The following CFAP47 variants were observed in gnomAD, a reference collection of about 807,000 sequenced individuals.
The protein encoded by CFAP47 is cilia and flagella associated protein 47, also known as cilia- and flagella-associated protein 47.
CFAP47 carries 29 observed loss-of-function variants against 148.1 expected under a neutral mutation model. That is an observed-to-expected ratio of 0.20 (90% CI 0.15 to 0.27). The LOEUF is 0.27. Ranked by LOEUF, CFAP47 falls within the 10% of genes least tolerant of loss-of-function variation. The pLI, the probability that CFAP47 is intolerant of heterozygous loss-of-function variation, is 1.00. For synonymous variants in CFAP47, 664 were observed against 577.3 expected, an observed-to-expected ratio of 1.15 and a Z score of -2.15; for missense variants, 1,872 against 1,697.5, an observed-to-expected ratio of 1.10 and a Z score of -1.81.
At chrX:36,384,584 C>T (rs1411813160) in intron 63 of CFAP47, among the ~76,000 whole-genome samples, 1 of 111,754 alleles carries the variant, frequency 8.9e-6, no homozygotes, top group Non-Finnish European at 1.9e-5. Context: ...CAGGGAGAAT[C>T]TCTGAGAGAT....
chrX:35,940,696 C>G (rs1017839882), intron 2 of CFAP47, among the ~76,000 whole-genome samples: 2 of 111,088 alleles, frequency 1.8e-5, no homozygotes, highest in Non-Finnish European at 3.8e-5. Context: ...TGTGGAGATT[C>G]CTAAGAAATT....
intron 37 of CFAP47, among the ~76,000 whole-genome samples, chrX:36,157,701 A>C (rs191802742): frequency 9.1e-6 from 1 of 110,053 alleles, no homozygotes; most frequent in Admixed American, 9.7e-5. Context: ...TTTTCTAATT[A>C]CTGTATCTCA....
intron 57 of CFAP47, among the ~76,000 whole-genome samples, chrX:36,325,273 C>T (rs1295971345): frequency 1.8e-5 from 2 of 111,368 alleles, no homozygotes; most frequent in African/African-American, 6.5e-5. Flanking sequence ...CCTTACAACA[C>T]TATAAGATAA....
At chrX:36,335,490 T>C (rs1245790901) in intron 57 of CFAP47, among the ~76,000 whole-genome samples, 3 of 111,793 alleles carry the variant, frequency 2.7e-5, no homozygotes, top group Non-Finnish European at 5.6e-5. Context: ...AATCACCTTA[T>C]AAATAATGTT....
intron 33 of CFAP47, among the ~76,000 whole-genome samples, chrX:36,114,958 G>C (rs1938615519): frequency 8.9e-6 from 1 of 112,105 alleles, no homozygotes; most frequent in South Asian, 3.7e-4. Flanking sequence ...TGGCTTTGGA[G>C]TGCAAGGAGG....
intron 60 of CFAP47, among the ~76,000 whole-genome samples, chrX:36,354,543 A>G (rs1453825790): frequency 9.1e-6 from 1 of 110,384 alleles, no homozygotes; most frequent in Non-Finnish European, 1.9e-5. Context: ...AATTTAAAAT[A>G]GGTTATCTAA....
In CFAP47 at chrX:35,939,523, A is replaced by C. The variant is rs367565010; in HGVS notation, c.402-1760A>C. 7.1e-3 allele frequency among the ~76,000 whole-genome samples: 662 copies of C among 93,121 alleles called. 3 individuals carry two copies. The highest frequency in any genetic ancestry group is 0.015 in the African/African-American group (369 of 25,383). 80.9% of individuals were successfully genotyped at this position (93,121 alleles called of 115,157 possible). A position where few individuals can be genotyped will look rare whatever the true frequency, so the allele number is the denominator to read the frequency against. ...TGTGTTCTCATTGTTCAATTCCCACATATGAGTGAGAATATGCGGTGTTTG... is the reference window on the plus strand; with the variant it reads ...TGTGTTCTCATTGTTCAATTCCCACCTATGAGTGAGAATATGCGGTGTTTG... On this transcript the variant is annotated intron_variant, in intron 2 of 63. Transcript: ENST00000378653.
intron 49 of CFAP47, among the ~76,000 whole-genome samples, chrX:36,262,719 G>T (rs1179784191): frequency 8.9e-6 from 1 of 111,846 alleles, no homozygotes. Context: ...TCCTTTCTTT[G>T]GGATATATAC....
chrX:36,098,526 C>T (rs1345092145), intron 30 of CFAP47, among the ~76,000 whole-genome samples: 1 of 111,257 alleles, frequency 9.0e-6, no homozygotes, highest in Admixed American at 9.6e-5. Context: ...ACTAGAATTC[C>T]ACCTGGTGTT....
chrX:36,380,307 CAG>C (rs199712835), intron 63 of CFAP47, among the ~76,000 whole-genome samples: 6,487 of 112,659 alleles, frequency 0.058, 213 homozygotes, highest in African/African-American at 0.12. Flanking sequence ...TTTTATTTAA[CAG>C]AGACAAAATA....
At chrX:36,370,260 C>T (rs1363628925) in intron 62 of CFAP47, among the ~76,000 whole-genome samples, 1 of 96,062 alleles carries the variant, frequency 1.0e-5, no homozygotes, top group Admixed American at 1.2e-4. Flanking sequence ...AGCCCCCCAC[C>T]CCCCAGCAGG....
chrX:36,319,751 G>A (rs1751093067), intron 57 of CFAP47, among the ~76,000 whole-genome samples: 1 of 111,109 alleles, frequency 9.0e-6, no homozygotes, highest in South Asian at 3.8e-4. Flanking sequence ...GTTTTACTGC[G>A]AATTTATTAC....
intron 31 of CFAP47, among the ~76,000 whole-genome samples, 170 bp downstream of exon 31, chrX:36,099,044 C>A (rs1157551101): frequency 9.0e-6 from 1 of 111,486 alleles, no homozygotes; most frequent in Non-Finnish European, 1.9e-5. Flanking sequence ...GTCTAAAAAT[C>A]TCTATGGAGT....
intron 45 of CFAP47, among the ~76,000 whole-genome samples, chrX:36,215,874 C>T (rs1051311729): frequency 9.0e-6 from 1 of 111,704 alleles, no homozygotes; most frequent in Non-Finnish European, 1.9e-5. Flanking sequence ...AGATGGCCCT[C>T]TCCGGGGGAG....
chrX:36,359,927 G>A (rs1941815120), intron 60 of CFAP47, among the ~76,000 whole-genome samples: 1 of 110,059 alleles, frequency 9.1e-6, no homozygotes, highest in South Asian at 3.9e-4. Context: ...ATTTTTTTTT[G>A]TATTTTGAGT....
Position 36,366,965 on chromosome X carries a change from G to T in CFAP47, c.9024-1G>T. On this transcript the variant is annotated splice_acceptor_variant, in intron 61 of 63. Coordinates refer to ENST00000378653, the MANE Select transcript of CFAP47 (RefSeq NM_001304548.2). LOFTEE classifies it high-confidence loss of function. ...ATTTAAAATCTCCTTTTATATTCAAGGTCTCACATAACACTGAAAATAGAG... is the reference window on the plus strand; with the variant it reads ...ATTTAAAATCTCCTTTTATATTCAATGTCTCACATAACACTGAAAATAGAG... 2 of 1,107,090 alleles carry T rather than the reference G, an allele frequency of 1.8e-6. No homozygotes were observed. The highest frequency in any genetic ancestry group is 2.3e-5 in the South Asian group (1 of 42,701). 91.2% of individuals were successfully genotyped at this position (1,107,090 alleles called of 1,213,427 possible). A position where few individuals can be genotyped will look rare whatever the true frequency, so the allele number is the denominator to read the frequency against.
In CFAP47 at chrX:35,989,460, TC is replaced by T. The variant is rs775381681; in HGVS notation, c.2844+13del. 1,126 of 1,209,589 alleles carry T rather than the reference TC, an allele frequency of 9.3e-4. 1 individual carries two copies. Among genetic ancestry groups the T allele is most frequent in the Non-Finnish European group, 1.2e-3 (1,083 of 895,035 alleles). On this transcript the variant is annotated intron_variant, in intron 16 of 63. Coordinates refer to ENST00000378653, the MANE Select transcript of CFAP47 (RefSeq NM_001304548.2). Reference sequence around the variant, plus strand: ...AAATGTGTTGCACATGTAATTATTTTCCTTGAACATGGTTTTTGTTTTGAGG... The same window carrying T: ...AAATGTGTTGCACATGTAATTATTTTCTTGAACATGGTTTTTGTTTTGAGG...
intron 30 of CFAP47, among the ~76,000 whole-genome samples, chrX:36,090,802 A>G (rs58721367): frequency 0.028 from 2,916 of 103,115 alleles, 96 homozygotes; most frequent in African/African-American, 0.11. Flanking sequence ...GAACTTTTAT[A>G]CACGTGAAAT....
At chrX:36,138,165 A>G in intron 34 of CFAP47, 110 bp downstream of exon 34, 1 of 541,836 alleles carries the variant, frequency 1.8e-6, no homozygotes. Context: ...CTTACATTCA[A>G]GTCAAACACC....
Sources: allele counts gnomAD v4.1 joint callset (sites outside exome capture counted in the v4.1 genomes callset), GRCh38; gene constraint gnomAD v4.1.1; transcripts MANE v1.5; gene names NCBI Gene and HGNC (gene_info 2026-07-23, HGNC 2026-07-21).